The following NCKAP5 variants were observed in gnomAD, a reference collection of about 807,000 sequenced individuals.
NCKAP5 encodes the protein nck-associated protein 5.
NCKAP5 carries 92 observed loss-of-function variants against 167.0 expected under a neutral mutation model. The observed-to-expected ratio is 0.55, with a 90% CI of 0.47 to 0.66. The LOEUF is 0.66. NCKAP5 is among the 30% of genes least tolerant of loss of function. The probability of loss-of-function intolerance (pLI) is 0.00; values close to 1 mark genes in which losing one functional copy is unlikely to be tolerated. For synonymous variants in NCKAP5, 891 were observed against 877.4 expected (o/e 1.02, Z -0.27); for missense variants, 2,378 against 2,315.0 (o/e 1.03, Z -0.56).
At chr2:132,916,378 C>T (rs987586295) in intron 8 of NCKAP5, among the ~76,000 whole-genome samples, 4 of 151,900 alleles carry the variant, frequency 2.6e-5, no homozygotes, top group African/African-American at 7.2e-5. Context: ...CTGTTACAAA[C>T]GGATCATTAT....
chr2:132,726,455 A>G (rs1000969357), intron 18 of NCKAP5, among the ~76,000 whole-genome samples: 4 of 152,200 alleles, frequency 2.6e-5, no homozygotes, highest in Non-Finnish European at 2.9e-5. Context: ...CTGTATGAAC[A>G]GTATTCCCCT....
At chr2:132,939,726 A>T (rs1245119069) in intron 8 of NCKAP5, among the ~76,000 whole-genome samples, 1 of 152,144 alleles carries the variant, frequency 6.6e-6, no homozygotes, top group Non-Finnish European at 1.5e-5. Flanking sequence ...TTGGCTGAGC[A>T]TGGTGGCTCA....
intron 3 of NCKAP5, among the ~76,000 whole-genome samples, chr2:133,410,516 A>G (rs899870515): frequency 2.6e-5 from 4 of 152,218 alleles, no homozygotes; most frequent in East Asian, 1.9e-4. Context: ...GTTCAATCCT[A>G]TAACATAGCT....
At chr2:133,473,471 A>T (rs980324637) in intron 3 of NCKAP5, among the ~76,000 whole-genome samples, 5 of 152,186 alleles carry the variant, frequency 3.3e-5, no homozygotes, top group Non-Finnish European at 5.9e-5. Context: ...CTGATTCAGT[A>T]GGTTTCATGG....
At position 133,090,224 on chromosome 2, in the gene NCKAP5, AAAAAG is replaced by A. The variant is rs575401672; in HGVS notation, c.341+39749_341+39753del. 1.6e-3 allele frequency among the ~76,000 whole-genome samples: 246 copies of A among 151,944 alleles called. 1 individual carries two copies. The highest frequency in any genetic ancestry group is 2.9e-3 in the Non-Finnish European group (195 of 67,952). On this transcript the variant is annotated intron_variant, in intron 6 of 19. Coordinates refer to ENST00000409261, the MANE Select transcript of NCKAP5 (RefSeq NM_207363.3). The stretch of plus-strand genomic sequence containing the variant: ...CATACAAGAAAATTAAAAAAAAAAA[AAAAAG>A]AAAAGTCTAACCCCAGAACTCTTTG...
At chr2:132,910,703 T>C (rs1219244128) in intron 8 of NCKAP5, among the ~76,000 whole-genome samples, 1 of 152,244 alleles carries the variant, frequency 6.6e-6, no homozygotes, top group East Asian at 1.9e-4. Context: ...AAATCTTAGC[T>C]ATTGACTACT....
the NCKAP5 span, among the ~76,000 whole-genome samples, chr2:133,659,592 C>T: frequency 2.0e-5 from 3 of 151,960 alleles, no homozygotes; most frequent in South Asian, 2.1e-4. Context: ...ATTTTCAAAT[C>T]GCATATCTGA....
At chr2:133,583,012 G>C in the NCKAP5 span, among the ~76,000 whole-genome samples, 1 of 152,148 alleles carries the variant, frequency 6.6e-6, no homozygotes, top group African/African-American at 2.4e-5. Context: ...AATTCTAACA[G>C]GAGTTGTAAA....
intron 3 of NCKAP5, among the ~76,000 whole-genome samples, chr2:133,358,965 ACTT>A (rs1684918256): frequency 6.6e-6 from 1 of 152,236 alleles, no homozygotes; most frequent in South Asian, 2.1e-4. Context: ...TATTTGGAGT[ACTT>A]CTACTGTTTT....
At chr2:132,909,075 G>A (rs915798614) in intron 8 of NCKAP5, among the ~76,000 whole-genome samples, 9 of 152,162 alleles carry the variant, frequency 5.9e-5, no homozygotes, top group Admixed American at 3.9e-4. Flanking sequence ...GGCCAGGTGC[G>A]GTGGCTCATG....
intron 6 of NCKAP5, among the ~76,000 whole-genome samples, chr2:133,000,614 G>A (rs185384818): frequency 2.4e-4 from 36 of 152,220 alleles, no homozygotes; most frequent in Admixed American, 5.9e-4. Context: ...CAAACTAGTC[G>A]TTGCTTGAAC....
intron 3 of NCKAP5, among the ~76,000 whole-genome samples, chr2:133,371,874 C>A (rs1685829782): frequency 6.6e-6 from 1 of 152,058 alleles, no homozygotes; most frequent in Admixed American, 6.6e-5. Flanking sequence ...TGTTTATTTT[C>A]TTTTACATTT....
the NCKAP5 span, among the ~76,000 whole-genome samples, chr2:133,578,571 T>C: frequency 2.4e-3 from 361 of 152,282 alleles, 6 homozygotes; most frequent in East Asian, 0.037. Flanking sequence ...AATCCCAGAC[T>C]GATTCCAGTC....
At chr2:133,336,462 C>A (rs1459888764) in intron 3 of NCKAP5, among the ~76,000 whole-genome samples, 2 of 152,062 alleles carry the variant, frequency 1.3e-5, no homozygotes, top group Non-Finnish European at 2.9e-5. Context: ...GATGATTTTG[C>A]CCTTTGGCAC....
chr2:133,539,662 C>T (rs1446994929), intron 2 of NCKAP5, among the ~76,000 whole-genome samples: 5 of 151,764 alleles, frequency 3.3e-5, no homozygotes, highest in Non-Finnish European at 7.4e-5. Context: ...GCCAATAAGA[C>T]AAAATCTAGA....
intron 3 of NCKAP5, among the ~76,000 whole-genome samples, chr2:133,398,800 A>C (rs1453006289): frequency 1.3e-5 from 2 of 152,172 alleles, no homozygotes; most frequent in Admixed American, 6.5e-5. Flanking sequence ...AAGGCAGCTC[A>C]AGCTCAACAA....
At chr2:132,848,367 T>C (rs1688823545) in intron 11 of NCKAP5, among the ~76,000 whole-genome samples, 1 of 152,226 alleles carries the variant, frequency 6.6e-6, no homozygotes, top group Admixed American at 6.5e-5. Context: ...TGGCAAATTC[T>C]GCTGCAACAT....
At chr2:132,827,128 G>GA (rs528884545) in intron 11 of NCKAP5, among the ~76,000 whole-genome samples, 220 of 152,236 alleles carry the variant, frequency 1.4e-3, no homozygotes, top group Middle Eastern at 0.01. Flanking sequence ...TATAGTCATG[G>GA]AAAAAATTAC....
At chr2:133,126,755 C>T (rs1434225) in intron 6 of NCKAP5, among the ~76,000 whole-genome samples, 28,750 of 151,824 alleles carry the variant, frequency 0.19, 2,862 homozygotes, top group East Asian at 0.38. Flanking sequence ...TTACTTGTTT[C>T]TTTTTTTCTT....
Sources: allele counts gnomAD v4.1 joint callset (sites outside exome capture counted in the v4.1 genomes callset), GRCh38; gene constraint gnomAD v4.1.1; transcripts MANE v1.5; gene names NCBI Gene and HGNC (gene_info 2026-07-23, HGNC 2026-07-21).